TLE1: variants seen among roughly 807,000 people sequenced by gnomAD.
TLE1 encodes the protein transducin-like enhancer protein 1.
In TLE1, 21 loss-of-function variants were observed where a neutral mutation model predicts 89.8. The ratio of observed to expected loss-of-function variants is 0.23; its 90% CI spans 0.17 to 0.34. The LOEUF (loss-of-function observed/expected upper bound fraction) is 0.34, where lower values mean the gene tolerates loss of function less well. Among genes scored for constraint, TLE1 ranks in the 10% least tolerant of loss-of-function variants. The pLI is 1.00. For missense variants in TLE1, 795 were observed against 1,031.2 expected, an observed-to-expected ratio of 0.77 and a Z score of 3.14; for synonymous variants, 447 against 407.6, an observed-to-expected ratio of 1.10 and a Z score of -1.16.
chr9:81,620,014 T>G (rs1825026446), intron 9 of TLE1, among the ~76,000 whole-genome samples: 1 of 152,204 alleles, frequency 6.6e-6, no homozygotes, highest in Non-Finnish European at 1.5e-5. Context: ...ATTTTTACTC[T>G]ATTTTAGCAG....
chr9:81,598,530 T>C (rs1271533840), intron 14 of TLE1, among the ~76,000 whole-genome samples: 9 of 152,106 alleles, frequency 5.9e-5, no homozygotes, highest in African/African-American at 2.2e-4. Flanking sequence ...CAGCACTCCA[T>C]CAAAGGATCA....
intron 1 of TLE1, 72 bp from the exon 2 acceptor site, chr9:81,687,506 G>A (rs183661304): frequency 1.2e-4 from 136 of 1,135,154 alleles, no homozygotes; most frequent in South Asian, 4.1e-4. Context: ...AGTCAGAGAA[G>A]GCAAGAACGG....
At chr9:81,621,841 T>G (rs185857610) in intron 8 of TLE1, among the ~76,000 whole-genome samples, 1 of 152,252 alleles carries the variant, frequency 6.6e-6, no homozygotes, top group Admixed American at 6.5e-5. Flanking sequence ...CCAAGCCTCT[T>G]GGCCCGCCTC....
At chr9:81,675,634 G>C (rs1440464044) in intron 4 of TLE1, among the ~76,000 whole-genome samples, 1 of 151,438 alleles carries the variant, frequency 6.6e-6, no homozygotes, top group Non-Finnish European at 1.5e-5. Context: ...AGCAAAACTG[G>C]TTAGATAAGG....
rs191240624 is a variant in TLE1, at chr9:81,675,826, G to A, written c.234+9850C>T. Among the ~76,000 whole-genome samples the A allele has an allele frequency of 1.8e-3, 278 of 150,752 alleles. 1 individual carries two copies. The highest frequency in any genetic ancestry group is 2.9e-3 in the Non-Finnish European group (195 of 67,830). ...AGTGATTTTCCTGCCTCAGCCTCCC[G>A]AGTAGCTGGGATGACAGGTGCCTGC... On this transcript the variant is annotated intron_variant, in intron 4 of 19. Transcript: ENST00000376499.
intron 4 of TLE1, among the ~76,000 whole-genome samples, chr9:81,675,295 G>A (rs936944762): frequency 6.6e-6 from 1 of 151,710 alleles, no homozygotes; most frequent in African/African-American, 2.4e-5. Flanking sequence ...ATAATAAAAT[G>A]TTTGGGAGAA....
At chr9:81,646,221 G>A (rs762237796) in intron 6 of TLE1, among the ~76,000 whole-genome samples, 8 of 152,076 alleles carry the variant, frequency 5.3e-5, no homozygotes, top group South Asian at 2.1e-4. Context: ...ACAATAATCC[G>A]GACACTGAGG....
chr9:81,592,079 C>A (rs889766650), intron 15 of TLE1, among the ~76,000 whole-genome samples: 2 of 152,206 alleles, frequency 1.3e-5, no homozygotes, highest in Non-Finnish European at 2.9e-5. Flanking sequence ...CGGAACATGG[C>A]CGGGCGCGGT....
At chr9:81,626,600 T>C (rs1312977224) in intron 8 of TLE1, among the ~76,000 whole-genome samples, 8 of 152,180 alleles carry the variant, frequency 5.3e-5, no homozygotes, top group Admixed American at 2.0e-4. Context: ...AGGGCACACA[T>C]TGATGTTTCA....
intron 4 of TLE1, among the ~76,000 whole-genome samples, chr9:81,655,817 T>C (rs1286103810): frequency 7.1e-6 from 1 of 140,384 alleles, no homozygotes; most frequent in Non-Finnish European, 1.5e-5. Context: ...CGCGCCACTA[T>C]ACTCCAGCCA....
At chr9:81,587,950 C>T (rs1463540460) in intron 16 of TLE1, 122 bp from the exon 17 acceptor site, 7 of 533,748 alleles carry the variant, frequency 1.3e-5, no homozygotes, top group Non-Finnish European at 1.7e-5. Context: ...GTGTGTGATC[C>T]CGCCAGTGTC....
chr9:81,665,263 GCC>G (rs1474232595), intron 4 of TLE1, among the ~76,000 whole-genome samples: 1 of 152,078 alleles, frequency 6.6e-6, no homozygotes, highest in African/African-American at 2.4e-5. Context: ...ATGTAATCTC[GCC>G]CCTTCTTCAA....
intron 8 of TLE1, among the ~76,000 whole-genome samples, chr9:81,632,090 C>CA (rs373883513): frequency 0.03 from 4,287 of 142,354 alleles, 198 homozygotes; most frequent in African/African-American, 0.099. Flanking sequence ...GACTCCATCT[C>CA]AAAAAAAAAA....
At chr9:81,687,524 A>AT (rs1834460412) in intron 1 of TLE1, 90 bp from the exon 2 acceptor site, 1 of 968,318 alleles carries the variant, frequency 1.0e-6, no homozygotes, top group Non-Finnish European at 1.6e-6. Context: ...CGGGTGGGAC[A>AT]TAAACATAAA....
At chr9:81,675,123 ATTAAT>A (rs528863751) in intron 4 of TLE1, among the ~76,000 whole-genome samples, 62 of 152,316 alleles carry the variant, frequency 4.1e-4, no homozygotes, top group African/African-American at 1.1e-3. Context: ...TCCCCATATT[ATTAAT>A]TTATTTCTTG....
intron 14 of TLE1, chr9:81,599,742 A>G (rs1830672959): frequency 4.9e-6 from 1 of 202,814 alleles, no homozygotes; most frequent in South Asian, 1.9e-4. Flanking sequence ...TCCAAATAGA[A>G]AATATGCAGA....
intron 4 of TLE1, among the ~76,000 whole-genome samples, chr9:81,659,719 G>T (rs1056649029): frequency 6.6e-5 from 10 of 152,114 alleles, no homozygotes; most frequent in Non-Finnish European, 8.8e-5. Flanking sequence ...ATTAGGGTTT[G>T]CATCTTGGCA....
At chr9:81,615,712 CAAA>C (rs371090700) in intron 11 of TLE1, among the ~76,000 whole-genome samples, 6 of 97,954 alleles carry the variant, frequency 6.1e-5, no homozygotes, top group Non-Finnish European at 9.9e-5. Context: ...GACTCCGTCT[CAAA>C]AAAAAAAAAA....
chr9:81,671,620 G>A (rs528041775), intron 4 of TLE1, among the ~76,000 whole-genome samples: 1 of 151,890 alleles, frequency 6.6e-6, no homozygotes, highest in South Asian at 2.1e-4. Context: ...ACTCCAACCT[G>A]GGCGACAGAG....
Sources: allele counts gnomAD v4.1 joint callset (sites outside exome capture counted in the v4.1 genomes callset), GRCh38; gene constraint gnomAD v4.1.1; transcripts MANE v1.5; gene names NCBI Gene and HGNC (gene_info 2026-07-23, HGNC 2026-07-21).